IMPG2: variants seen among roughly 807,000 people sequenced by gnomAD.
IMPG2 encodes interphotoreceptor matrix proteoglycan 2.
Under a neutral mutation model 129.2 loss-of-function variants are expected in IMPG2, and 91 were observed. The ratio of observed to expected loss-of-function variants is 0.70; its 90% CI spans 0.59 to 0.84. IMPG2 has a LOEUF of 0.84. Ranked by LOEUF, IMPG2 falls within the 40% of genes least tolerant of loss-of-function variation. IMPG2 has a pLI of 0.00. For synonymous variants in IMPG2, 510 were observed against 517.7 expected, an observed-to-expected ratio of 0.99 and a Z score of 0.20; for missense variants, 1,430 against 1,461.7, an observed-to-expected ratio of 0.98 and a Z score of 0.35.
Position 101,244,187 on chromosome 3 carries a change from T to G in IMPG2, c.2144A>C (p.Tyr715Ser), listed in dbSNP as rs1706445368. Residue 715 changes from tyrosine to serine, a missense_variant, in exon 13 of 19, where the codon TAC (tyrosine) becomes TCC (serine). By Grantham distance (144) the Tyr-to-Ser change is moderately radical. Coordinates refer to ENST00000193391, the MANE Select transcript of IMPG2 (RefSeq NM_016247.4). ...HISEVPGVDD[Y>S]SVTKAPLILT... Reference sequence around the variant, plus strand: ...TATAAGAGGTGCTTTGGTAACTGAGTAATCATCAACACCAGGTACTTCTGA... The same window carrying G: ...TATAAGAGGTGCTTTGGTAACTGAGGAATCATCAACACCAGGTACTTCTGA... The G allele has an allele frequency of 6.2e-7, 1 of 1,614,028 alleles. No homozygotes were observed. The highest frequency in any genetic ancestry group is 1.3e-5 in the African/African-American group (1 of 75,036).
At chr3:101,276,613 T>C (rs768889708) in intron 5 of IMPG2, 51 bp downstream of exon 5, 4 of 1,274,582 alleles carry the variant, frequency 3.1e-6, no homozygotes, top group Non-Finnish European at 4.6e-6. Flanking sequence ...GAGCCTGTCT[T>C]AAACCATAAA....
Position 101,244,800 on chromosome 3 carries a change from T to C in IMPG2, c.1544-13A>G. 1 of 1,610,100 alleles carries C rather than the reference T, an allele frequency of 6.2e-7. No individual in the cohort carries two copies. The highest frequency in any genetic ancestry group is 8.5e-7 in the Non-Finnish European group (1 of 1,176,976). Reference sequence around the variant, plus strand: ...ACATTGGCTAATCCTAAAAATAAAGTTTTCCATTAATTAATCTACAGAGTT... The same window carrying C: ...ACATTGGCTAATCCTAAAAATAAAGCTTTCCATTAATTAATCTACAGAGTT... On this transcript the variant is annotated splice_polypyrimidine_tract_variant and intron_variant, in intron 12 of 18. Transcript: ENST00000193391.
chr3:101,236,376 T>C (rs1195506967), intron 14 of IMPG2, among the ~76,000 whole-genome samples: 1 of 151,810 alleles, frequency 6.6e-6, no homozygotes, highest in East Asian at 1.9e-4. Context: ...GACATGTGAG[T>C]TACATACAAA....
intron 7 of IMPG2, among the ~76,000 whole-genome samples, chr3:101,270,661 G>A (rs186174155): frequency 2.6e-5 from 4 of 152,182 alleles, no homozygotes; most frequent in East Asian, 3.9e-4. Context: ...TCAGCCAGGC[G>A]TGGTGGTGGG....
intron 2 of IMPG2, among the ~76,000 whole-genome samples, chr3:101,313,072 A>G (rs1341808962): frequency 1.3e-5 from 2 of 152,150 alleles, no homozygotes; most frequent in East Asian, 3.8e-4. Flanking sequence ...ATTTTGTAGT[A>G]TGAATGGGTA....
chr3:101,236,781 C>T (rs1706350596), intron 14 of IMPG2, among the ~76,000 whole-genome samples: 2 of 152,204 alleles, frequency 1.3e-5, no homozygotes, highest in Non-Finnish European at 2.9e-5. Context: ...GCCATTTGCA[C>T]AGACACCAAG....
At chr3:101,276,554 G>T (rs1706842181) in intron 5 of IMPG2, 110 bp downstream of exon 5, 1 of 738,106 alleles carries the variant, frequency 1.4e-6, no homozygotes, top group Non-Finnish European at 2.3e-6. Flanking sequence ...TTAAAAAAGA[G>T]AAATCTGATA....
intron 10 of IMPG2, 69 bp downstream of exon 10, chr3:101,257,460 A>T: frequency 1.9e-6 from 3 of 1,576,308 alleles, no homozygotes; most frequent in Non-Finnish European, 2.6e-6. Flanking sequence ...TATTTCAGGA[A>T]ATTAGTTTAC....
At chr3:101,248,840 G>T (rs1706513503) in intron 11 of IMPG2, among the ~76,000 whole-genome samples, 1 of 152,108 alleles carries the variant, frequency 6.6e-6, no homozygotes, top group African/African-American at 2.4e-5. Flanking sequence ...TGATTATTCT[G>T]TATTTGTCAC....
rs986332217 is a variant in IMPG2, at chr3:101,232,238, A to T, written c.3233+543T>A. ...TAGGATTTTTATTTTTTTTTTATTT[A>T]TTTTTTATTTTTTTTTGAGACAGAG... On this transcript the variant is annotated intron_variant, in intron 15 of 18. Transcript: ENST00000193391. 6.0e-3 allele frequency among the ~76,000 whole-genome samples: 896 copies of T among 148,832 alleles called. 13 individuals carry two copies. The highest frequency in any genetic ancestry group is 0.021 in the African/African-American group (845 of 40,160).
intron 12 of IMPG2, 94 bp from the exon 13 acceptor site, chr3:101,244,881 G>A: frequency 2.0e-6 from 2 of 1,023,434 alleles, no homozygotes; most frequent in Non-Finnish European, 3.0e-6. Flanking sequence ...TTTTCCCTGT[G>A]AAGTTAAGAG....
In IMPG2 at chr3:101,242,884, A is replaced by G. The variant is rs1342287098; in HGVS notation, c.2826T>C (p.Asn942=). Reference sequence around the variant, plus strand: ...TTTCTAAGTTCTGGAACCCCGTGAGATTTGACTGGAGATAGGGAACCAGCT... The same window carrying G: ...TTTCTAAGTTCTGGAACCCCGTGAGGTTTGACTGGAGATAGGGAACCAGCT... ...LELLVPYLQS[N]LTGFQNLEIL... is the part of the protein sequence containing the mutation. The change falls in exon 14 of 19, where the codon AAT becomes AAC. Residue 942 remains asparagine (N), a synonymous_variant. Transcript: ENST00000193391. The G allele has an allele frequency of 1.2e-6, 2 of 1,613,994 alleles. No homozygotes were observed. Among genetic ancestry groups the G allele is most frequent in the Admixed American group, 3.3e-5 (2 of 60,006 alleles).
At chr3:101,308,078 C>T (rs763007566) in intron 2 of IMPG2, among the ~76,000 whole-genome samples, 1 of 152,244 alleles carries the variant, frequency 6.6e-6, no homozygotes, top group Admixed American at 6.5e-5. Flanking sequence ...GAGGTGGACT[C>T]CCACAGTCTT....
chr3:101,278,295 GATC>G (rs1320383531), intron 4 of IMPG2, among the ~76,000 whole-genome samples: 1 of 152,094 alleles, frequency 6.6e-6, no homozygotes. Flanking sequence ...AAAGTAATTT[GATC>G]AACAGTCAAA....
At chr3:101,314,382 T>C (rs1024774062) in intron 2 of IMPG2, among the ~76,000 whole-genome samples, 1 of 152,166 alleles carries the variant, frequency 6.6e-6, no homozygotes, top group Non-Finnish European at 1.5e-5. Context: ...ATATGCTAAA[T>C]CTGGTAACCA....
chr3:101,266,068 C>G (rs1362837710), intron 9 of IMPG2, among the ~76,000 whole-genome samples: 1 of 152,048 alleles, frequency 6.6e-6, no homozygotes, highest in Non-Finnish European at 1.5e-5. Context: ...TAGTGAGGAT[C>G]CAGAGAAAAG....
chr3:101,269,378 C>T, intron 8 of IMPG2, 137 bp downstream of exon 8: 1 of 607,692 alleles, frequency 1.6e-6, no homozygotes, highest in Non-Finnish European at 3.0e-6. Flanking sequence ...ATCAAGAATA[C>T]TAATTTACCA....
chr3:101,308,244 T>A (rs534119), intron 2 of IMPG2, among the ~76,000 whole-genome samples: 1 of 152,166 alleles, frequency 6.6e-6, no homozygotes, highest in Non-Finnish European at 1.5e-5. Flanking sequence ...CCTCTTCTCA[T>A]AGCTCCACTA....
intron 6 of IMPG2, 140 bp from the exon 7 acceptor site, chr3:101,273,882 A>G (rs1361404962): frequency 1.2e-6 from 1 of 861,636 alleles, no homozygotes; most frequent in African/African-American, 1.7e-5. Flanking sequence ...TTGACTTTGG[A>G]ACAAATTGGG....
Sources: allele counts gnomAD v4.1 joint callset (sites outside exome capture counted in the v4.1 genomes callset), GRCh38; gene constraint gnomAD v4.1.1; transcripts MANE v1.5; gene names NCBI Gene and HGNC (gene_info 2026-07-23, HGNC 2026-07-21).